TMEM245: variants seen among roughly 807,000 people sequenced by gnomAD.
TMEM245 encodes protein CG-2.
In TMEM245, 69 loss-of-function variants were observed where a neutral mutation model predicts 101.2. That is an observed-to-expected ratio of 0.68 (90% CI 0.56 to 0.83). The LOEUF (loss-of-function observed/expected upper bound fraction) is 0.83. TMEM245 is among the 40% of genes least tolerant of loss of function. TMEM245 has a pLI of 0.00. For synonymous variants in TMEM245, 537 were observed against 449.8 expected, an observed-to-expected ratio of 1.19 and a Z score of -2.45; for missense variants, 1,075 against 1,092.8, an observed-to-expected ratio of 0.98 and a Z score of 0.23.
intron 17 of TMEM245, among the ~76,000 whole-genome samples, chr9:109,029,390 A>G (rs1029561071): frequency 6.6e-6 from 1 of 152,228 alleles, no homozygotes; most frequent in Non-Finnish European, 1.5e-5. Flanking sequence ...AAGATCTTAT[A>G]TGTCTTCAAA....
At chr9:109,056,281 T>C (rs1828832781) in intron 12 of TMEM245, among the ~76,000 whole-genome samples, 1 of 151,808 alleles carries the variant, frequency 6.6e-6, no homozygotes, top group African/African-American at 2.4e-5. Context: ...TCAGTTATGG[T>C]CATGTATTAC....
At chr9:109,072,954 G>C (rs1363353300) in intron 9 of TMEM245, among the ~76,000 whole-genome samples, 1 of 152,206 alleles carries the variant, frequency 6.6e-6, no homozygotes, top group Non-Finnish European at 1.5e-5. Flanking sequence ...GGTTATAAAT[G>C]ACTCTGCCAC....
chr9:109,073,485 C>T (rs1255477293), intron 8 of TMEM245, 47 bp from the exon 9 acceptor site: 2 of 1,385,944 alleles, frequency 1.4e-6, no homozygotes, highest in African/African-American at 1.4e-5. Context: ...AAAAATAAAC[C>T]CAATTTAACA....
At chr9:109,074,293 G>T (rs1829427924) in intron 8 of TMEM245, among the ~76,000 whole-genome samples, 1 of 152,052 alleles carries the variant, frequency 6.6e-6, no homozygotes, top group African/African-American at 2.4e-5. Flanking sequence ...TTTCACCCAG[G>T]ACATCCAAAC....
At chr9:109,085,397 C>T (rs925860321) in intron 7 of TMEM245, among the ~76,000 whole-genome samples, 1 of 152,150 alleles carries the variant, frequency 6.6e-6, no homozygotes, top group Non-Finnish European at 1.5e-5. Flanking sequence ...TAATGCCATA[C>T]CAATCATGTG....
chr9:109,045,835 T>C (rs1312553299), intron 14 of TMEM245, among the ~76,000 whole-genome samples: 5 of 152,214 alleles, frequency 3.3e-5, no homozygotes, highest in Admixed American at 2.0e-4. Flanking sequence ...TCCCCAAATA[T>C]GCATAAGAGA....
chr9:109,066,170 C>G (rs1341311429), intron 9 of TMEM245, among the ~76,000 whole-genome samples: 1 of 152,138 alleles, frequency 6.6e-6, no homozygotes, highest in Non-Finnish European at 1.5e-5. Context: ...CATTTCTCAG[C>G]AAGGCCAGCA....
At chr9:109,073,604 T>A (rs1829399334) in intron 8 of TMEM245, among the ~76,000 whole-genome samples, 166 bp from the exon 9 acceptor site, 1 of 152,234 alleles carries the variant, frequency 6.6e-6, no homozygotes, top group South Asian at 2.1e-4. Flanking sequence ...ATACATTATA[T>A]CTAATGATAC....
intron 1 of TMEM245, among the ~76,000 whole-genome samples, chr9:109,117,573 G>A (rs1830757912): frequency 6.6e-6 from 1 of 152,118 alleles, no homozygotes. Flanking sequence ...GATACTCAAA[G>A]GTATACGCCG....
intron 8 of TMEM245, among the ~76,000 whole-genome samples, chr9:109,076,812 T>C (rs1285607468): frequency 6.6e-6 from 1 of 152,110 alleles, no homozygotes; most frequent in African/African-American, 2.4e-5. Context: ...CACCTCAGCC[T>C]CCTAAGTAGC....
chr9:109,055,886 G>C (rs1043693070), intron 12 of TMEM245, among the ~76,000 whole-genome samples: 4 of 151,934 alleles, frequency 2.6e-5, no homozygotes, highest in African/African-American at 9.7e-5. Context: ...CACCCGCCTC[G>C]GCCTCCCAAA....
chr9:109,118,661 G>A (rs1319205381), intron 1 of TMEM245, among the ~76,000 whole-genome samples: 2 of 152,170 alleles, frequency 1.3e-5, no homozygotes, highest in Non-Finnish European at 2.9e-5. Flanking sequence ...GGTGTGCTGT[G>A]GTACACCAGT....
At chr9:109,101,372 T>C (rs1481122330) in intron 3 of TMEM245, among the ~76,000 whole-genome samples, 1 of 152,194 alleles carries the variant, frequency 6.6e-6, no homozygotes, top group Non-Finnish European at 1.5e-5. Context: ...GGCAGTATAC[T>C]AAAGCATTCC....
chr9:109,097,448 G>C (rs1335211960), intron 3 of TMEM245, among the ~76,000 whole-genome samples: 1 of 152,182 alleles, frequency 6.6e-6, no homozygotes, highest in Non-Finnish European at 1.5e-5. Context: ...GCACAATTCA[G>C]TGGCTGGAAG....
At chr9:109,069,930 C>T (rs544041554) in intron 9 of TMEM245, among the ~76,000 whole-genome samples, 1 of 152,190 alleles carries the variant, frequency 6.6e-6, no homozygotes, top group Non-Finnish European at 1.5e-5. Flanking sequence ...AGCTGCTAAA[C>T]CCAATTTCAC....
At chr9:109,067,678 C>A (rs1373467467) in intron 9 of TMEM245, among the ~76,000 whole-genome samples, 1 of 152,180 alleles carries the variant, frequency 6.6e-6, no homozygotes, top group African/African-American at 2.4e-5. Flanking sequence ...GAGCTCCCGA[C>A]TAACAACTGC....
At chr9:109,057,406 C>A in intron 11 of TMEM245, 84 bp from the exon 12 acceptor site, 1 of 1,486,618 alleles carries the variant, frequency 6.7e-7, no homozygotes, top group East Asian at 2.3e-5. Flanking sequence ...TGCTTCAGGT[C>A]CCCTTCATCA....
intron 9 of TMEM245, among the ~76,000 whole-genome samples, chr9:109,072,763 C>G (rs1425666759): frequency 6.6e-6 from 1 of 152,158 alleles, no homozygotes; most frequent in African/African-American, 2.4e-5. Flanking sequence ...CTCAGCTACT[C>G]CAGAGGCTAA....
intron 12 of TMEM245, among the ~76,000 whole-genome samples, chr9:109,053,860 G>A (rs1828757339): frequency 6.6e-6 from 1 of 152,224 alleles, no homozygotes; most frequent in South Asian, 2.1e-4. Flanking sequence ...TGTCTCTCCT[G>A]GCAGAACTGA....
Sources: gnomAD v4.1 joint callset for allele counts (sites outside exome capture counted in the v4.1 genomes callset) on GRCh38, gnomAD v4.1.1 for gene constraint, MANE v1.5 for transcripts, NCBI Gene and HGNC (gene_info 2026-07-23, HGNC 2026-07-21) for gene names.